Variants in ABCA13 observed in about 807,000 individuals in gnomAD.
The protein encoded by ABCA13 is ATP binding cassette subfamily A member 13, also known as ATP-binding cassette sub-family A member 13.
A neutral mutation model predicts 478.7 loss-of-function variants in ABCA13; 476 were observed. That is an observed-to-expected ratio of 0.99 (90% CI 0.92 to 1.07). The LOEUF is 1.07. Among genes scored for constraint, ABCA13 ranks in the 50% least tolerant of loss-of-function variants. ABCA13 has a pLI of 0.00. For synonymous variants in ABCA13, 2,252 were observed against 2,158.9 expected (o/e 1.04, Z -1.20); for missense variants, 6,060 against 5,910.6 (o/e 1.03, Z -0.83).
chr7:48,330,601 T>TCATC (rs759661322), intron 27 of ABCA13, among the ~76,000 whole-genome samples: 77 of 142,116 alleles, frequency 5.4e-4, no homozygotes, highest in Admixed American at 1.0e-3. Flanking sequence ...ATGCATCTAT[T>TCATC]CATCCATCCA....
intron 27 of ABCA13, among the ~76,000 whole-genome samples, chr7:48,334,226 C>A (rs1025015581): frequency 6.6e-6 from 1 of 152,086 alleles, no homozygotes; most frequent in Non-Finnish European, 1.5e-5. Flanking sequence ...TATCTGTATG[C>A]ATTTTTGGTT....
intron 3 of ABCA13, among the ~76,000 whole-genome samples, chr7:48,215,911 G>A (rs1394588667): frequency 6.6e-6 from 1 of 152,042 alleles, no homozygotes; most frequent in African/African-American, 2.4e-5. Flanking sequence ...ATGTTTTTAA[G>A]GTTCATTCAT....
At chr7:48,227,961 A>AC (rs1394026475) in intron 6 of ABCA13, among the ~76,000 whole-genome samples, 1 of 152,034 alleles carries the variant, frequency 6.6e-6, no homozygotes, top group Non-Finnish European at 1.5e-5. Flanking sequence ...GCTGGATTTG[A>AC]CCCCCATGTT....
chr7:48,449,342 T>C (rs1246793804), intron 42 of ABCA13, among the ~76,000 whole-genome samples: 1 of 152,174 alleles, frequency 6.6e-6, no homozygotes, highest in Non-Finnish European at 1.5e-5. Flanking sequence ...TATTCTTCTT[T>C]AAAAATAAGA....
chr7:48,605,157 A>G (rs1791340267), intron 58 of ABCA13, among the ~76,000 whole-genome samples: 1 of 151,794 alleles, frequency 6.6e-6, no homozygotes, highest in Admixed American at 6.6e-5. Context: ...AATAAAGCAC[A>G]CCCATGGGTC....
chr7:48,247,170 C>T (rs1791822774), intron 13 of ABCA13, among the ~76,000 whole-genome samples: 1 of 151,816 alleles, frequency 6.6e-6, no homozygotes, highest in South Asian at 2.1e-4. Flanking sequence ...CCCAGCAGGT[C>T]AAGGCTGCAG....
At chr7:48,356,880 C>G (rs1370381171) in intron 31 of ABCA13, among the ~76,000 whole-genome samples, 1 of 151,992 alleles carries the variant, frequency 6.6e-6, no homozygotes, top group East Asian at 1.9e-4. Flanking sequence ...AATAAGCCAA[C>G]TTAATAAACA....
chr7:48,352,070 G>A, intron 30 of ABCA13, 111 bp from the exon 31 acceptor site: 2 of 1,053,352 alleles, frequency 1.9e-6, no homozygotes, highest in South Asian at 3.6e-5. Context: ...CAGGAGTGGA[G>A]GGCTGTGAGT....
At chr7:48,446,043 A>T (rs1824256139) in intron 42 of ABCA13, among the ~76,000 whole-genome samples, 1 of 152,132 alleles carries the variant, frequency 6.6e-6, no homozygotes, top group Admixed American at 6.5e-5. Context: ...TGGCCAACTG[A>T]TGTGGTCCCA....
In ABCA13 at chr7:48,412,663, G is replaced by C. The variant is rs573624170; in HGVS notation, c.12459+80G>C. 1.6e-5 allele frequency: 19 copies of C among 1,175,694 alleles called. 1 individual carries two copies. The South Asian group carries it at 3.1e-4, about 19-fold the overall frequency. The allele number at this position is 1,175,694 out of a possible 1,614,324, so 72.8% of individuals were successfully genotyped here. A position where few individuals can be genotyped will look rare whatever the true frequency, so the allele number is the denominator to read the frequency against. On this transcript the variant is annotated intron_variant, in intron 41 of 61. Transcript: ENST00000435803. ...CATTAAATGAAGAGATGTGGGTAAA[G>C]GGGGGGAGATGTGGGTAAGGGGGAG... is the stretch of plus-strand genomic sequence containing the variant.
Position 48,594,805 on chromosome 7 carries a change from C to G in ABCA13, c.14736C>G (p.Thr4912=). ...EVREGCAAVL[T]SHSMEECEAL... ...GGGAAGGCTGTGCTGCGGTGCTGAC[C>G]TCCCACAGGTGAGTTCCAGTTTCTC... is the stretch of plus-strand genomic sequence containing the variant. The change falls in exon 58 of 62, where the codon ACC becomes ACG. Residue 4912 remains threonine (T), a synonymous_variant. Transcript: ENST00000435803. 1 of 1,613,670 alleles carries G rather than the reference C, an allele frequency of 6.2e-7. No individual in the cohort carries two copies. Among genetic ancestry groups the G allele is most frequent in the Non-Finnish European group, 8.5e-7 (1 of 1,179,644 alleles).
At chr7:48,313,044 T>G in intron 24 of ABCA13, 23 bp from the exon 25 acceptor site, 1 of 1,522,512 alleles carries the variant, frequency 6.6e-7, no homozygotes, top group Non-Finnish European at 8.8e-7. Flanking sequence ...TTCATGTTGT[T>G]TTGTTTTTGT....
intron 55 of ABCA13, among the ~76,000 whole-genome samples, chr7:48,534,144 A>AG (rs1327935526): frequency 6.6e-6 from 1 of 152,154 alleles, no homozygotes; most frequent in Non-Finnish European, 1.5e-5. Flanking sequence ...AGCTTGTTTT[A>AG]GCAGTTCTTG....
intron 3 of ABCA13, among the ~76,000 whole-genome samples, chr7:48,217,292 C>G (rs1401237328): frequency 6.6e-6 from 1 of 152,200 alleles, no homozygotes; most frequent in Non-Finnish European, 1.5e-5. Context: ...GCCTTTGGAT[C>G]TGCTTAGAGA....
intron 55 of ABCA13, among the ~76,000 whole-genome samples, chr7:48,540,716 A>G (rs1833889755): frequency 6.6e-6 from 1 of 152,076 alleles, no homozygotes; most frequent in Non-Finnish European, 1.5e-5. Flanking sequence ...TGTTTAATTT[A>G]CTAATCTCCA....
rs920858931 is a variant in ABCA13 at position 48,643,339 on chromosome 7, A to G, written c.14889A>G (p.Gln4963=). The stretch of plus-strand genomic sequence containing the variant: ...TTTGGCTCTGTAAGGAAGCAAATCA[A>G]CATTGCACTGTTTCTGACCACTTGA... ...VKVWLCKEAN[Q]HCTVSDHLKL... is the part of the protein sequence containing the mutation. The change falls in exon 60 of 62, where the codon CAA becomes CAG. Residue 4963 remains glutamine (Q), a synonymous_variant. Coordinates refer to ENST00000435803, the MANE Select transcript of ABCA13 (RefSeq NM_152701.5). 2 of 1,613,630 alleles carry G rather than the reference A, an allele frequency of 1.2e-6. No homozygotes were observed. Among genetic ancestry groups the G allele is most frequent in the Non-Finnish European group, 1.7e-6 (2 of 1,179,764 alleles).
At chr7:48,250,301 G>A (rs542275406) in intron 15 of ABCA13, among the ~76,000 whole-genome samples, 2 of 152,246 alleles carry the variant, frequency 1.3e-5, no homozygotes, top group African/African-American at 4.8e-5. Context: ...GTTTCCTTAT[G>A]TAGGCATGAT....
At chr7:48,276,618 T>G (rs907169808) in intron 17 of ABCA13, 53 bp downstream of exon 17, 1 of 1,445,950 alleles carries the variant, frequency 6.9e-7, no homozygotes, top group Non-Finnish European at 9.6e-7. Context: ...TATCTCAAAC[T>G]ACTTTATTTT....
intron 29 of ABCA13, among the ~76,000 whole-genome samples, chr7:48,343,782 TTTCTGGTTG>T (rs1563088384): frequency 2.0e-5 from 3 of 152,026 alleles, no homozygotes; most frequent in African/African-American, 7.2e-5. Flanking sequence ...CCATTCATAT[TTTCTGGTTG>T]TTCTTGGAAG....
Sources: allele counts gnomAD v4.1 joint callset (sites outside exome capture counted in the v4.1 genomes callset), GRCh38; gene constraint gnomAD v4.1.1; transcripts MANE v1.5; gene names NCBI Gene and HGNC (gene_info 2026-07-23, HGNC 2026-07-21).